Variants in NEDD4L observed in about 807,000 individuals in gnomAD.
NEDD4L encodes NEDD4 like E3 ubiquitin protein ligase.
NEDD4L carries 54 observed loss-of-function variants against 148.9 expected under a neutral mutation model. The observed-to-expected ratio is 0.36, with a 90% confidence interval of 0.29 to 0.45. The LOEUF (loss-of-function observed/expected upper bound fraction) is 0.45. NEDD4L is among the 20% of genes least tolerant of loss of function. The pLI is 1.00. For synonymous variants in NEDD4L, 433 were observed against 440.7 expected (o/e 0.98, Z 0.22); for missense variants, 856 against 1,233.8 (o/e 0.69, Z 4.59).
chr18:58,319,822 G>A (rs1007579830), intron 6 of NEDD4L, among the ~76,000 whole-genome samples: 15 of 152,214 alleles, frequency 9.9e-5, no homozygotes, highest in African/African-American at 3.1e-4. Context: ...TGATATGAAC[G>A]TGTAGAATTG....
intron 2 of NEDD4L, among the ~76,000 whole-genome samples, chr18:58,228,541 T>C (rs2044651015): frequency 1.3e-5 from 2 of 152,294 alleles, no homozygotes; most frequent in South Asian, 4.1e-4. Flanking sequence ...GGGTGAGGCA[T>C]AGGCTATTTG....
chr18:58,212,768 A>T (rs553729265), intron 2 of NEDD4L, among the ~76,000 whole-genome samples: 13 of 107,496 alleles, frequency 1.2e-4, no homozygotes, highest in Non-Finnish European at 1.9e-4. Flanking sequence ...CACCATACCT[A>T]GCCTGAATAT....
chr18:58,072,870 GCGCACACACACA>G (rs1447985758), intron 1 of NEDD4L, among the ~76,000 whole-genome samples: 192 of 106,508 alleles, frequency 1.8e-3, no homozygotes, highest in African/African-American at 5.7e-3. Context: ...GCGCGCGCGC[GCGCACACACACA>G]CACACACACA....
intron 2 of NEDD4L, among the ~76,000 whole-genome samples, chr18:58,210,015 A>C (rs1006122608): frequency 1.3e-4 from 20 of 151,934 alleles, no homozygotes; most frequent in Admixed American, 5.9e-4. Flanking sequence ...AAAAAATACA[A>C]ATTTGGCCGG....
intron 18 of NEDD4L, among the ~76,000 whole-genome samples, chr18:58,352,859 A>G (rs749825450): frequency 6.6e-6 from 1 of 152,226 alleles, no homozygotes; most frequent in African/African-American, 2.4e-5. Flanking sequence ...CCCCCTAAAA[A>G]GAATGTTGTG....
intron 1 of NEDD4L, among the ~76,000 whole-genome samples, chr18:58,128,669 A>G (rs2031563413): frequency 6.6e-6 from 1 of 152,204 alleles, no homozygotes; most frequent in South Asian, 2.1e-4. Context: ...CTTTGTAGGC[A>G]GCTATGGCTG....
chr18:58,236,351 T>C (rs2046014756), intron 2 of NEDD4L, among the ~76,000 whole-genome samples: 1 of 151,662 alleles, frequency 6.6e-6, no homozygotes, highest in South Asian at 2.1e-4. Flanking sequence ...AGCGAGACCC[T>C]GTCTCAAAAA....
chr18:58,349,673 A>G (rs2043618675), intron 17 of NEDD4L, 59 bp downstream of exon 17: 25 of 1,336,524 alleles, frequency 1.9e-5, no homozygotes, highest in South Asian at 1.4e-4. Context: ...TATCCGCTCA[A>G]TGTTGATGGA....
At chr18:58,086,776 ATGT>A (rs2083781951) in intron 1 of NEDD4L, among the ~76,000 whole-genome samples, 2 of 152,358 alleles carry the variant, frequency 1.3e-5, no homozygotes, top group African/African-American at 4.8e-5. Flanking sequence ...TAGTTATCTA[ATGT>A]TGTGTAACAA....
intron 5 of NEDD4L, among the ~76,000 whole-genome samples, chr18:58,267,869 A>G (rs1287733942): frequency 1.3e-5 from 2 of 152,038 alleles, no homozygotes; most frequent in East Asian, 3.9e-4. Flanking sequence ...AAAATAGCTC[A>G]TTTATCCTGC....
intron 5 of NEDD4L, among the ~76,000 whole-genome samples, chr18:58,263,660 C>CTTTTTTTTTTTTT (rs71173041): frequency 1.9e-5 from 2 of 103,722 alleles, no homozygotes; most frequent in African/African-American, 7.3e-5. Flanking sequence ...ACTTCTTAGG[C>CTTTTTTTTTTTTT]TTTTTTTTTT....
At chr18:58,296,031 CAG>C (rs764616591) in intron 5 of NEDD4L, among the ~76,000 whole-genome samples, 63 of 152,302 alleles carry the variant, frequency 4.1e-4, no homozygotes, top group Non-Finnish European at 7.8e-4. Flanking sequence ...TTGGGCAAGA[CAG>C]AGGGAGCTTG....
chr18:58,210,131 A>G (rs2042452877), intron 2 of NEDD4L, among the ~76,000 whole-genome samples: 1 of 152,144 alleles, frequency 6.6e-6, no homozygotes, highest in Non-Finnish European at 1.5e-5. Flanking sequence ...ACTCCATTGC[A>G]CTCCAGCCTG....
intron 2 of NEDD4L, among the ~76,000 whole-genome samples, chr18:58,241,951 A>G (rs2046684658): frequency 6.6e-6 from 1 of 152,036 alleles, no homozygotes; most frequent in Non-Finnish European, 1.5e-5. Context: ...CTAGAGAGTC[A>G]TATTCATGCT....
Position 58,317,397 on chromosome 18 carries a change from C to G in NEDD4L, c.348+1365C>G, listed in dbSNP as rs542296568. Among the ~76,000 whole-genome samples, 3 of 152,314 alleles carry G rather than the reference C, an allele frequency of 2.0e-5. No homozygotes were observed. In the South Asian group the frequency reaches 6.2e-4, roughly 32 times the overall value. The stretch of plus-strand genomic sequence containing the variant: ...TTCTTCAGACTGAAGCTGCGATCCT[C>G]TCACACTTTTAGACAGTGTTGGTTG... On this transcript the variant is annotated intron_variant, in intron 6 of 30. Coordinates refer to ENST00000400345, the MANE Select transcript of NEDD4L (RefSeq NM_001144967.3).
chr18:58,305,346 T>C (rs2056939830), intron 5 of NEDD4L, among the ~76,000 whole-genome samples: 1 of 152,212 alleles, frequency 6.6e-6, no homozygotes, highest in African/African-American at 2.4e-5. Flanking sequence ...TAGAATAAGA[T>C]AGAGGGCTTT....
intron 2 of NEDD4L, among the ~76,000 whole-genome samples, chr18:58,167,723 A>C (rs1280190617): frequency 2.0e-5 from 3 of 152,164 alleles, no homozygotes; most frequent in Non-Finnish European, 2.9e-5. Flanking sequence ...GGGAAAAAAA[A>C]ACAAAAATTA....
intron 1 of NEDD4L, among the ~76,000 whole-genome samples, chr18:58,056,698 A>G (rs1195265447): frequency 1.3e-5 from 2 of 151,928 alleles, no homozygotes; most frequent in Non-Finnish European, 1.5e-5. Context: ...CTCCTGCCCC[A>G]TCCTCCCGAG....
intron 24 of NEDD4L, among the ~76,000 whole-genome samples, chr18:58,382,179 T>G (rs17064936): frequency 1.3e-5 from 2 of 152,190 alleles, no homozygotes; most frequent in African/African-American, 2.4e-5. Context: ...CAAGAGCCAG[T>G]GCGTGGAGAA....
Sources: gnomAD v4.1 joint callset for allele counts (sites outside exome capture counted in the v4.1 genomes callset) on GRCh38, gnomAD v4.1.1 for gene constraint, MANE v1.5 for transcripts, NCBI Gene and HGNC (gene_info 2026-07-23, HGNC 2026-07-21) for gene names.